Variants in KCNMA1 observed in about 807,000 individuals in gnomAD.
The protein encoded by KCNMA1 is Calcium-activated potassium channel subunit alpha-1.
KCNMA1 carries 29 observed loss-of-function variants against 140.0 expected under a neutral mutation model. The ratio of observed to expected loss-of-function variants is 0.21; its 90% confidence interval spans 0.15 to 0.28. The LOEUF (loss-of-function observed/expected upper bound fraction) is 0.28, where lower values mean the gene tolerates loss of function less well. KCNMA1 is among the 10% of genes least tolerant of loss of function. The probability of loss-of-function intolerance (pLI) is 1.00; values close to 1 mark genes in which losing one functional copy is unlikely to be tolerated. For missense variants in KCNMA1, 880 were observed against 1,602.2 expected (o/e 0.55, Z 7.70); for synonymous variants, 612 against 611.9 (o/e 1.00, Z 0.00).
chr10:77,012,375 T>G (rs1274142940), intron 17 of KCNMA1: 2 of 1,512,708 alleles, frequency 1.3e-6, no homozygotes, highest in African/African-American at 2.8e-5. Flanking sequence ...TGGGGACATG[T>G]GGGCAATGAG....
intron 6 of KCNMA1, among the ~76,000 whole-genome samples, chr10:77,116,110 A>G (rs1405410694): frequency 6.6e-6 from 1 of 152,228 alleles, no homozygotes; most frequent in Non-Finnish European, 1.5e-5. Flanking sequence ...AGCGGTTAGA[A>G]TGATTTGAAC....
chr10:77,415,878 G>A (rs2096731428), intron 1 of KCNMA1, among the ~76,000 whole-genome samples: 1 of 152,238 alleles, frequency 6.6e-6, no homozygotes, highest in South Asian at 2.1e-4. Context: ...CTCCCAGGAA[G>A]AACTGTCCTT....
chr10:76,997,719 A>G (rs1386181277), intron 19 of KCNMA1, among the ~76,000 whole-genome samples: 1 of 152,210 alleles, frequency 6.6e-6, no homozygotes, highest in African/African-American at 2.4e-5. Flanking sequence ...GTGCATGTGT[A>G]TGTTGCTAGA....
chr10:76,941,059 GAAAGAAAGAAAA>G, intron 23 of KCNMA1, among the ~76,000 whole-genome samples: 2 of 95,818 alleles, frequency 2.1e-5, no homozygotes, highest in African/African-American at 9.5e-5. Flanking sequence ...GAAAGAGAAA[GAAAGAAAGAAAA>G]AGAAAGAAAG....
intron 19 of KCNMA1, among the ~76,000 whole-genome samples, chr10:76,971,505 G>T (rs911495133): frequency 6.6e-6 from 1 of 152,140 alleles, no homozygotes; most frequent in Non-Finnish European, 1.5e-5. Context: ...CTATTCTGCT[G>T]TCAGTTTGGG....
chr10:77,139,108 C>G (rs986537059), intron 5 of KCNMA1, among the ~76,000 whole-genome samples: 1 of 152,190 alleles, frequency 6.6e-6, no homozygotes, highest in African/African-American at 2.4e-5. Context: ...ATAGTGAGTA[C>G]TCACTACTGA....
intron 13 of KCNMA1, among the ~76,000 whole-genome samples, chr10:77,074,806 G>C (rs1263953830): frequency 6.6e-6 from 1 of 152,190 alleles, no homozygotes; most frequent in East Asian, 1.9e-4. Flanking sequence ...GGTTGAATCA[G>C]AGAGCCCTTC....
chr10:77,185,005 G>C (rs11596909), intron 3 of KCNMA1, 89 bp from the exon 4 acceptor site: 2 of 816,964 alleles, frequency 2.4e-6, no homozygotes. Context: ...TAGTGCTTAG[G>C]GTAGACGATG....
intron 2 of KCNMA1, among the ~76,000 whole-genome samples, chr10:77,380,504 T>A (rs1348093391): frequency 6.6e-6 from 1 of 152,220 alleles, no homozygotes; most frequent in Non-Finnish European, 1.5e-5. Flanking sequence ...TTGAAGAGAC[T>A]TTCTCTTCTT....
At chr10:77,463,278 G>A (rs1035190769) in intron 1 of KCNMA1, among the ~76,000 whole-genome samples, 6 of 152,180 alleles carry the variant, frequency 3.9e-5, no homozygotes, top group African/African-American at 1.4e-4. Context: ...CAGTGGGAAG[G>A]TGAAGGGCTT....
rs1320616283 is a variant in KCNMA1 at position 76,885,205 on chromosome 10, T to TTA, written c.*2059_*2060dup. The TTA allele has an allele frequency of 1.1e-5, 7 of 625,714 alleles. No homozygotes were observed. The highest frequency in any genetic ancestry group is 1.4e-5 in the Non-Finnish European group (7 of 491,316). 38.8% of individuals were successfully genotyped at this position (625,714 alleles called of 1,614,324 possible). On this transcript the variant is annotated 3_prime_UTR_variant, in exon 28 of 28. Coordinates refer to ENST00000286628, the MANE Select transcript of KCNMA1 (RefSeq NM_001161352.2). ...AATACTAGGGGATACATATATATAG[T>TTA]TATATATATAGTTATATATATATAA...
intron 1 of KCNMA1, among the ~76,000 whole-genome samples, chr10:77,623,667 C>A (rs1397034244): frequency 6.6e-6 from 1 of 151,388 alleles, no homozygotes; most frequent in Non-Finnish European, 1.5e-5. Context: ...CGTGACACTG[C>A]ACCCTAGCCT....
In KCNMA1 at chr10:77,242,913, C is replaced by CACACAT. The variant is rs1389327035; in HGVS notation, c.602+8281_602+8282insATGTGT. 5.3e-5 allele frequency among the ~76,000 whole-genome samples: 8 copies of CACACAT among 151,484 alleles called. No individual in the cohort carries two copies. In the South Asian group the frequency reaches 8.4e-4, roughly 16 times the overall value. On this transcript the variant is annotated intron_variant, in intron 3 of 27. Transcript: ENST00000286628. ...TAATTGTTTCCTACACACACACACA[C>CACACAT]ACACACACACACACACACACACACA...
chr10:77,284,203 C>T (rs1199812709), intron 2 of KCNMA1, among the ~76,000 whole-genome samples: 1 of 152,080 alleles, frequency 6.6e-6, no homozygotes, highest in Non-Finnish European at 1.5e-5. Flanking sequence ...GGGTGATAGG[C>T]ATGACCAGAA....
intron 1 of KCNMA1, among the ~76,000 whole-genome samples, chr10:77,537,427 C>T (rs1434832778): frequency 6.6e-6 from 1 of 152,212 alleles, no homozygotes; most frequent in Admixed American, 6.5e-5. Flanking sequence ...CCAGGGCCCA[C>T]CTTCCCCAAA....
At chr10:77,111,039 G>A (rs544695087) in intron 7 of KCNMA1, among the ~76,000 whole-genome samples, 10 of 152,340 alleles carry the variant, frequency 6.6e-5, no homozygotes, top group Admixed American at 3.9e-4. Flanking sequence ...TTTTGTGGGC[G>A]ACACAGGTCC....
chr10:76,967,727 C>T (rs563105863), intron 20 of KCNMA1, among the ~76,000 whole-genome samples: 7 of 152,226 alleles, frequency 4.6e-5, no homozygotes, highest in African/African-American at 1.4e-4. Flanking sequence ...GACATCCCAG[C>T]GACAGGAACT....
intron 2 of KCNMA1, among the ~76,000 whole-genome samples, chr10:77,262,432 G>A (rs1179743738): frequency 2.0e-5 from 3 of 152,146 alleles, no homozygotes; most frequent in Non-Finnish European, 2.9e-5. Flanking sequence ...GGGAATTATT[G>A]TTTAATGGGT....
chr10:77,152,970 G>A (rs190850558), intron 5 of KCNMA1, among the ~76,000 whole-genome samples: 7 of 152,190 alleles, frequency 4.6e-5, no homozygotes, highest in East Asian at 1.9e-4. Flanking sequence ...AAAATGTGGC[G>A]CTCCCCACTA....
Sources: allele counts gnomAD v4.1 joint callset (sites outside exome capture counted in the v4.1 genomes callset), GRCh38; gene constraint gnomAD v4.1.1; transcripts MANE v1.5; gene names NCBI Gene and HGNC (gene_info 2026-07-23, HGNC 2026-07-21).